The following NCKAP5 variants were observed in gnomAD, a reference collection of about 807,000 sequenced individuals.
NCKAP5 encodes NCK associated protein 5.
A neutral mutation model predicts 167.0 loss-of-function variants in NCKAP5; 92 were observed. The ratio of observed to expected loss-of-function variants is 0.55; its 90% CI spans 0.47 to 0.66. The LOEUF (loss-of-function observed/expected upper bound fraction) is 0.66, where lower values mean the gene tolerates loss of function less well. NCKAP5 is among the 30% of genes least tolerant of loss of function. The pLI, the probability that NCKAP5 is intolerant of heterozygous loss-of-function variation, is 0.00. For synonymous variants in NCKAP5, 891 were observed against 877.4 expected, an observed-to-expected ratio of 1.02 and a Z score of -0.27; for missense variants, 2,378 against 2,315.0, an observed-to-expected ratio of 1.03 and a Z score of -0.56.
At chr2:133,481,373 T>C (rs1449829284) in intron 3 of NCKAP5, among the ~76,000 whole-genome samples, 1 of 152,196 alleles carries the variant, frequency 6.6e-6, no homozygotes, top group Non-Finnish European at 1.5e-5. Flanking sequence ...ATAAGATTTT[T>C]ACATGTATTT....
At chr2:133,178,933 A>G (rs2084607494) in intron 5 of NCKAP5, among the ~76,000 whole-genome samples, 1 of 152,028 alleles carries the variant, frequency 6.6e-6, no homozygotes, top group Non-Finnish European at 1.5e-5. Flanking sequence ...TGAGAGGCTA[A>G]GGCAGGTGGA....
At chr2:132,873,404 C>T (rs771612238) in intron 9 of NCKAP5, among the ~76,000 whole-genome samples, 7 of 152,268 alleles carry the variant, frequency 4.6e-5, no homozygotes, top group South Asian at 2.1e-4. Context: ...TGAGCCACTG[C>T]GCCCAGCCGA....
At chr2:133,207,728 CA>C (rs1239248744) in intron 5 of NCKAP5, among the ~76,000 whole-genome samples, 1 of 151,782 alleles carries the variant, frequency 6.6e-6, no homozygotes, top group East Asian at 1.9e-4. Flanking sequence ...TAAATTGAGC[CA>C]AAAAATAAAG....
rs139641916 is a variant in NCKAP5 at position 133,503,449 on chromosome 2, C to T, written c.69+14009G>A. ...GAGGTTAAAGATTTTGAGGGTAGCA[C>T]ATGGCTAATTAGTAGCAGAGCTGGG... On this transcript the variant is annotated intron_variant, in intron 3 of 19. Transcript: ENST00000409261. Among the ~76,000 whole-genome samples the T allele has an allele frequency of 1.0e-3, 152 of 152,332 alleles. 2 individuals are homozygous for T. The highest frequency in any genetic ancestry group is 3.4e-3 in the African/African-American group (142 of 41,572).
In NCKAP5 at chr2:133,033,075, A is replaced by T. The variant is rs191450081; in HGVS notation, c.342-38836T>A. ...AAGACACAGAGCCAAACAATATCAAAGTCTAACCTGCACAGTCTTAGTGGT... is the reference window on the plus strand; with the variant it reads ...AAGACACAGAGCCAAACAATATCAATGTCTAACCTGCACAGTCTTAGTGGT... On this transcript the variant is annotated intron_variant, in intron 6 of 19. Transcript: ENST00000409261. 1.0e-3 allele frequency among the ~76,000 whole-genome samples: 154 copies of T among 152,332 alleles called. 2 individuals are homozygous for T. The highest frequency in any genetic ancestry group is 3.5e-3 in the African/African-American group (144 of 41,570).
intron 3 of NCKAP5, among the ~76,000 whole-genome samples, chr2:133,329,876 T>C (rs1253213607): frequency 6.6e-6 from 1 of 151,988 alleles, no homozygotes; most frequent in Non-Finnish European, 1.5e-5. Flanking sequence ...AAAATAGGGA[T>C]TCTGAGAGAT....
At chr2:132,991,137 T>C (rs1294527340) in intron 7 of NCKAP5, among the ~76,000 whole-genome samples, 3 of 152,180 alleles carry the variant, frequency 2.0e-5, no homozygotes, top group Non-Finnish European at 4.4e-5. Flanking sequence ...GGCTACTTCT[T>C]GATTGTACAT....
the NCKAP5 span, among the ~76,000 whole-genome samples, chr2:133,576,140 G>A: frequency 1.3e-5 from 2 of 152,224 alleles, no homozygotes; most frequent in African/African-American, 4.8e-5. Flanking sequence ...TTGAATGGGT[G>A]ATGAGGAAGT....
intron 4 of NCKAP5, among the ~76,000 whole-genome samples, chr2:133,229,301 A>G (rs938216695): frequency 2.6e-5 from 4 of 152,198 alleles, no homozygotes; most frequent in African/African-American, 4.8e-5. Flanking sequence ...ACACAGTGAG[A>G]GAGAACAAAA....
At chr2:133,504,670 G>A (rs1219377921) in intron 3 of NCKAP5, among the ~76,000 whole-genome samples, 1 of 152,100 alleles carries the variant, frequency 6.6e-6, no homozygotes, top group Non-Finnish European at 1.5e-5. Flanking sequence ...AAAGACCATT[G>A]TCTGCATTCT....
At chr2:133,465,283 T>G (rs1318291727) in intron 3 of NCKAP5, among the ~76,000 whole-genome samples, 6 of 151,726 alleles carry the variant, frequency 4.0e-5, no homozygotes, top group Non-Finnish European at 5.9e-5. Context: ...CTTGAGATAG[T>G]TTACTGAGAA....
chr2:132,686,421 C>T (rs2105085415), intron 19 of NCKAP5, among the ~76,000 whole-genome samples: 1 of 152,254 alleles, frequency 6.6e-6, no homozygotes, highest in Non-Finnish European at 1.5e-5. Context: ...TGATGACTGC[C>T]CCTTGTTGTC....
chr2:132,945,688 G>A (rs1486952534), intron 8 of NCKAP5, among the ~76,000 whole-genome samples: 1 of 152,114 alleles, frequency 6.6e-6, no homozygotes, highest in Non-Finnish European at 1.5e-5. Context: ...AGAAGAAAAA[G>A]AAGTGCCTCT....
chr2:133,305,411 G>GTT (rs1680712104), intron 3 of NCKAP5, among the ~76,000 whole-genome samples: 1 of 152,146 alleles, frequency 6.6e-6, no homozygotes, highest in Non-Finnish European at 1.5e-5. Context: ...CATTGTAAGT[G>GTT]TTAAACAAGA....
intron 5 of NCKAP5, among the ~76,000 whole-genome samples, chr2:133,160,196 A>G (rs2083730516): frequency 6.6e-6 from 1 of 152,248 alleles, no homozygotes; most frequent in East Asian, 1.9e-4. Context: ...TCAGCAGACC[A>G]CCTTCAGGGC....
At chr2:133,499,252 C>G (rs1018051132) in intron 3 of NCKAP5, among the ~76,000 whole-genome samples, 1 of 152,206 alleles carries the variant, frequency 6.6e-6, no homozygotes, top group Non-Finnish European at 1.5e-5. Flanking sequence ...AATGAGCCAG[C>G]TTTCAGTAAG....
At chr2:133,614,379 G>T in the NCKAP5 span, among the ~76,000 whole-genome samples, 1 of 152,092 alleles carries the variant, frequency 6.6e-6, no homozygotes, top group Non-Finnish European at 1.5e-5. Context: ...CAAACCAAAG[G>T]CAAAGAAGTT....
rs1690368241 is a variant in NCKAP5, at chr2:133,434,779, T to C, written c.69+82679A>G. 2.0e-5 allele frequency among the ~76,000 whole-genome samples: 3 copies of C among 152,174 alleles called. No individual in the cohort carries two copies. The South Asian group carries it at 6.2e-4, about 31-fold the overall frequency. On this transcript the variant is annotated intron_variant, in intron 3 of 19. Coordinates refer to ENST00000409261, the MANE Select transcript of NCKAP5 (RefSeq NM_207363.3). ...TGAATGAATGGTTGACTATAAAGGA[T>C]TTTCCACCAATATTTTTTTTAAAGG...
At chr2:133,020,054 C>T (rs1005072889) in intron 6 of NCKAP5, among the ~76,000 whole-genome samples, 1 of 152,210 alleles carries the variant, frequency 6.6e-6, no homozygotes, top group Non-Finnish European at 1.5e-5. Context: ...AAAATAGTTA[C>T]TAAATAAATG....
Sources: allele counts gnomAD v4.1 joint callset (sites outside exome capture counted in the v4.1 genomes callset), GRCh38; gene constraint gnomAD v4.1.1; transcripts MANE v1.5; gene names NCBI Gene and HGNC (gene_info 2026-07-23, HGNC 2026-07-21).